The following GBX1 variants were observed in gnomAD, a reference collection of about 807,000 sequenced individuals.
GBX1 encodes the protein gastrulation brain homeobox 1.
GBX1 carries 9 observed loss-of-function variants against 22.9 expected under a neutral mutation model. The ratio of observed to expected loss-of-function variants is 0.39; its 90% CI spans 0.24 to 0.69. GBX1 has a LOEUF of 0.69. Among genes scored for constraint, GBX1 ranks in the 30% least tolerant of loss-of-function variants. The pLI, the probability that GBX1 is intolerant of heterozygous loss-of-function variation, is 0.43. For synonymous variants in GBX1, 203 were observed against 227.3 expected, an observed-to-expected ratio of 0.89 and a Z score of 0.96; for missense variants, 494 against 509.2, an observed-to-expected ratio of 0.97 and a Z score of 0.29.
chr7:151,151,978 T>C (rs1036509197), intron 1 of GBX1, among the ~76,000 whole-genome samples: 1 of 152,248 alleles, frequency 6.6e-6, no homozygotes, highest in Non-Finnish European at 1.5e-5. Flanking sequence ...ATACTCTCTA[T>C]GTCCTTTCTC....
chr7:151,164,773 C>T (rs1163192148), intron 1 of GBX1, among the ~76,000 whole-genome samples: 2 of 74,590 alleles, frequency 2.7e-5, no homozygotes, highest in Non-Finnish European at 5.1e-5. Context: ...CACAAATTTC[C>T]CTCTTTTTTT....
chr7:151,167,577 C>A lies in GBX1; in HGVS notation c.-29G>T. 1 of 1,395,124 alleles carries A rather than the reference C, an allele frequency of 7.2e-7. No homozygotes were observed. The highest frequency in any genetic ancestry group is 9.2e-7 in the Non-Finnish European group (1 of 1,085,710). 86.4% of individuals were successfully genotyped at this position (1,395,124 alleles called of 1,614,324 possible). A position where few individuals can be genotyped will look rare whatever the true frequency, so the allele number is the denominator to read the frequency against. Reference sequence around the variant, plus strand: ...GTTCGGAGCTGCGGCCGCCCCGGGGCGCTCCTCTCTGGGCGCCTCCGTGCG... The same window carrying A: ...GTTCGGAGCTGCGGCCGCCCCGGGGAGCTCCTCTCTGGGCGCCTCCGTGCG... On this transcript the variant is annotated 5_prime_UTR_variant, in exon 1 of 2. Transcript: ENST00000297537. This position sits in a 1 kb window ranked among gnomAD's most constrained non-coding sequence, Gnocchi z 5.9.
intron 1 of GBX1, among the ~76,000 whole-genome samples, chr7:151,151,687 C>T (rs1801081048): frequency 6.6e-6 from 1 of 152,218 alleles, no homozygotes; most frequent in South Asian, 2.1e-4. Flanking sequence ...ACAAGCCCTG[C>T]TAGTGCTGCT....
intron 1 of GBX1, among the ~76,000 whole-genome samples, chr7:151,153,489 G>A (rs1201412098): frequency 2.6e-5 from 4 of 151,028 alleles, no homozygotes; most frequent in Non-Finnish European, 4.4e-5. Flanking sequence ...AATATTAATA[G>A]TAAAAAATAA....
At chr7:151,149,519 C>T (rs900289881) in intron 1 of GBX1, among the ~76,000 whole-genome samples, 1 of 152,048 alleles carries the variant, frequency 6.6e-6, no homozygotes, top group South Asian at 2.1e-4. Context: ...CCCAGCATCG[C>T]AGTGATATAC....
chr7:151,165,351 C>T (rs927850460), intron 1 of GBX1, among the ~76,000 whole-genome samples: 3 of 152,128 alleles, frequency 2.0e-5, no homozygotes, highest in Non-Finnish European at 4.4e-5. Flanking sequence ...GGCATATGCC[C>T]CTAAGTCCCC....
intron 1 of GBX1, among the ~76,000 whole-genome samples, chr7:151,159,256 CTGTATTTTT>C (rs1801167444): frequency 1.3e-5 from 2 of 151,860 alleles, no homozygotes; most frequent in Admixed American, 1.3e-4. Flanking sequence ...AGCTAATTTT[CTGTATTTTT>C]TGTAGAGACG....
chr7:151,162,391 G>C (rs767716745), intron 1 of GBX1, among the ~76,000 whole-genome samples: 9 of 152,104 alleles, frequency 5.9e-5, no homozygotes, highest in African/African-American at 1.4e-4. Context: ...GCTACATTCA[G>C]GTGCTTAGCT....
chr7:151,154,223 T>C (rs1801110017), intron 1 of GBX1, among the ~76,000 whole-genome samples: 1 of 151,986 alleles, frequency 6.6e-6, no homozygotes, highest in Non-Finnish European at 1.5e-5. Flanking sequence ...AAAAAGTAAA[T>C]TTCCAATTGC....
chr7:151,149,304 G>T (rs1801050602), intron 1 of GBX1, among the ~76,000 whole-genome samples, 162 bp from the exon 2 acceptor site: 1 of 152,202 alleles, frequency 6.6e-6, no homozygotes, highest in African/African-American at 2.4e-5. Flanking sequence ...GGAGGCAGAA[G>T]GATGGTATGT....
chr7:151,157,217 A>G (rs181188943), intron 1 of GBX1, among the ~76,000 whole-genome samples: 28 of 151,868 alleles, frequency 1.8e-4, no homozygotes, highest in African/African-American at 6.3e-4. Flanking sequence ...AATTGCTTGA[A>G]CCCGGGAGGC....
intron 1 of GBX1, among the ~76,000 whole-genome samples, chr7:151,162,996 G>C (rs1328630594): frequency 6.6e-6 from 1 of 151,922 alleles, no homozygotes; most frequent in Non-Finnish European, 1.5e-5. Context: ...AGTAGAGATG[G>C]GGTTTCTCCA....
chr7:151,165,609 G>A (rs556960275), intron 1 of GBX1, among the ~76,000 whole-genome samples: 59 of 152,218 alleles, frequency 3.9e-4, no homozygotes, highest in African/African-American at 1.4e-3. Flanking sequence ...CCACCTTCCA[G>A]TTGCTGCTCT....
rs537528276 is a variant in GBX1 at position 151,152,493 on chromosome 7, T to C, written c.539-3351A>G. On this transcript the variant is annotated intron_variant, in intron 1 of 1. Coordinates refer to ENST00000297537, the MANE Select transcript of GBX1 (RefSeq NM_001098834.3). ...TCCTCTATTTTAATTTTTTAAAACA[T>C]AGTTTGTAGTAAATAATAACAAAAA... Among the ~76,000 whole-genome samples the C allele has an allele frequency of 1.5e-4, 23 of 152,356 alleles. No homozygotes were observed. In the East Asian group the frequency reaches 4.4e-3, roughly 29 times the overall value.
chr7:151,157,387 G>A (rs1450212995), intron 1 of GBX1, among the ~76,000 whole-genome samples: 5 of 152,126 alleles, frequency 3.3e-5, no homozygotes, highest in South Asian at 4.2e-4. Context: ...GCTCTTTCTC[G>A]TATAGGTATC....
intron 1 of GBX1, among the ~76,000 whole-genome samples, 168 bp from the exon 2 acceptor site, chr7:151,149,310 T>A (rs1801050638): frequency 6.6e-6 from 1 of 152,034 alleles, no homozygotes; most frequent in Admixed American, 6.6e-5. Flanking sequence ...AGAAGGATGG[T>A]ATGTCCAGGA....
intron 1 of GBX1, among the ~76,000 whole-genome samples, chr7:151,150,738 T>C (rs1801070781): frequency 6.6e-6 from 1 of 151,968 alleles, no homozygotes; most frequent in Non-Finnish European, 1.5e-5. Context: ...CCTATCTTTC[T>C]TTCTTTTGAG....
At position 151,167,129 on chromosome 7, in the gene GBX1, G is replaced by A. The variant is rs775088228; in HGVS notation, c.420C>T (p.Gly140=). ...CCAGCCCACCCTCTGGGCGTCGGCC[G>A]CCTGGCTCGGGGTTGTTTCGGGCGG... ...ATAARNNPEP[G]GRRPEGGLEA... Residue 140 remains glycine (G), a synonymous_variant, in exon 1 of 2, where the codon GGC becomes GGT. Transcript: ENST00000297537. This position sits in a 1 kb window ranked among gnomAD's most constrained non-coding sequence, Gnocchi z 5.9. 6.2e-7 allele frequency: 1 copy of A among 1,603,068 alleles called. No individual in the cohort carries two copies. The highest frequency in any genetic ancestry group is 8.5e-7 in the Non-Finnish European group (1 of 1,176,436).
At chr7:151,166,474 A>ACCCCCCCCCCCCCCCCC (rs376110409) in intron 1 of GBX1, among the ~76,000 whole-genome samples, 1 of 70,624 alleles carries the variant, frequency 1.4e-5, no homozygotes, top group Non-Finnish European at 2.7e-5. Flanking sequence ...TTGAGACGCA[A>ACCCCCCCCCCCCCCCCC]CCCCCCCCCC....
Sources: gnomAD v4.1 joint callset for allele counts (sites outside exome capture counted in the v4.1 genomes callset) on GRCh38, gnomAD v4.1.1 for gene constraint, Gnocchi (gnomAD v3.1) non-coding constraint, MANE v1.5 for transcripts, NCBI Gene and HGNC (gene_info 2026-07-23, HGNC 2026-07-21) for gene names.